Variants in EPB41L3 observed in about 807,000 individuals in gnomAD.
The protein encoded by EPB41L3 is band 4.1-like protein 3.
A neutral mutation model predicts 127.1 loss-of-function variants in EPB41L3; 57 were observed. The observed-to-expected ratio is 0.45, with a 90% CI of 0.36 to 0.56. EPB41L3 has a LOEUF of 0.56. Among genes scored for constraint, EPB41L3 ranks in the 20% least tolerant of loss-of-function variants. The pLI, the probability that EPB41L3 is intolerant of heterozygous loss-of-function variation, is 0.00. For synonymous variants in EPB41L3, 572 were observed against 549.5 expected (o/e 1.04, Z -0.57); for missense variants, 1,273 against 1,372.2 (o/e 0.93, Z 1.14).
At chr18:5,489,362 C>A in intron 1 of EPB41L3, 168 bp from the exon 2 acceptor site, 1 of 690,642 alleles carries the variant, frequency 1.4e-6, no homozygotes, top group East Asian at 3.3e-5. Context: ...AACTTCACCA[C>A]TGAGATGGGT....
intron 9 of EPB41L3, among the ~76,000 whole-genome samples, chr18:5,426,411 C>T (rs533988565): frequency 2.5e-4 from 38 of 152,280 alleles, no homozygotes; most frequent in Middle Eastern, 3.4e-3. Context: ...CCTGTCTCTA[C>T]GACCTGCTGC....
At chr18:5,510,739 C>T (rs1598466916) in intron 1 of EPB41L3, among the ~76,000 whole-genome samples, 1 of 152,286 alleles carries the variant, frequency 6.6e-6, no homozygotes, top group Middle Eastern at 3.4e-3. Context: ...GCTTTCTATC[C>T]TAATGCCTAG....
At chr18:5,429,686 C>T (rs891757378) in intron 8 of EPB41L3, among the ~76,000 whole-genome samples, 7 of 152,120 alleles carry the variant, frequency 4.6e-5, no homozygotes, top group Non-Finnish European at 7.3e-5. Flanking sequence ...ACTTTGGAAA[C>T]GTATCACTCC....
chr18:5,400,589 C>T, intron 16 of EPB41L3: 1 of 460,032 alleles, frequency 2.2e-6, no homozygotes, highest in South Asian at 1.6e-5. Flanking sequence ...TTCTTTATCA[C>T]ACTTGGCTAG....
At chr18:5,597,741 G>A (rs1169330388) in intron 3 of EPB41L3, among the ~76,000 whole-genome samples, 2 of 152,126 alleles carry the variant, frequency 1.3e-5, no homozygotes, top group African/African-American at 4.8e-5. Context: ...ACCTAGGAAA[G>A]ATGGATACTG....
At chr18:5,407,001 A>G in intron 15 of EPB41L3, 33 bp from the exon 16 acceptor site, 1 of 1,578,246 alleles carries the variant, frequency 6.3e-7, no homozygotes, top group Admixed American at 1.7e-5. Context: ...CCAACAGTCA[A>G]TGTTTTACAT....
At chr18:5,542,928 A>T (rs1411786365) in intron 1 of EPB41L3, among the ~76,000 whole-genome samples, 1 of 152,216 alleles carries the variant, frequency 6.6e-6, no homozygotes, top group Non-Finnish European at 1.5e-5. Context: ...GGCAGCAGCC[A>T]GGAAACACTC....
Position 5,428,389 on chromosome 18 carries a change from T to C in EPB41L3, c.989A>G (p.Asn330Ser). The change falls in exon 9 of 23, where the codon AAC becomes AGC. Residue 330 changes from asparagine to serine, a missense_variant. Transcript: ENST00000341928. Reference protein sequence around the residue: ...LLIYRDRLRINRFAWPKVLKI... With the variant: ...LLIYRDRLRISRFAWPKVLKI... ...TAGAACCTTGGGCCAGGCAAATCTGTTTATTCGCAGCCGGTCGCGATATAT... is the reference window on the plus strand; with the variant it reads ...TAGAACCTTGGGCCAGGCAAATCTGCTTATTCGCAGCCGGTCGCGATATAT... The C allele has an allele frequency of 6.2e-7, 1 of 1,614,226 alleles. No individual in the cohort carries two copies. Among genetic ancestry groups the C allele is most frequent in the Non-Finnish European group, 8.5e-7 (1 of 1,180,030 alleles).
chr18:5,610,108 G>A, intron 3 of EPB41L3: 4 of 985,356 alleles, frequency 4.1e-6, no homozygotes, highest in Non-Finnish European at 4.8e-6. Context: ...CAAACAAAGA[G>A]AAGTCAACAG....
At chr18:5,495,144 T>C (rs2091028765) in intron 1 of EPB41L3, among the ~76,000 whole-genome samples, 1 of 152,216 alleles carries the variant, frequency 6.6e-6, no homozygotes, top group African/African-American at 2.4e-5. Flanking sequence ...ACAATTCTGA[T>C]GGTTTGTAAA....
intron 3 of EPB41L3, among the ~76,000 whole-genome samples, chr18:5,607,431 G>A (rs528639050): frequency 2.6e-5 from 4 of 152,248 alleles, no homozygotes; most frequent in South Asian, 2.1e-4. Context: ...CAAGCAAGAC[G>A]AGCTGACCAA....
At chr18:5,393,751 A>G (rs982275235) in intron 22 of EPB41L3, 1 of 338,780 alleles carries the variant, frequency 3.0e-6, no homozygotes, top group African/African-American at 2.1e-5. Context: ...TATTTTTTAT[A>G]TTTCTCTTTT....
chr18:5,395,427 G>T (rs765902022), intron 20 of EPB41L3, among the ~76,000 whole-genome samples, 182 bp downstream of exon 20: 1 of 152,184 alleles, frequency 6.6e-6, no homozygotes, highest in Non-Finnish European at 1.5e-5. Context: ...AGGGGAACTC[G>T]CACGTGAGGA....
intron 16 of EPB41L3, among the ~76,000 whole-genome samples, chr18:5,405,878 T>TAA (rs766187302): frequency 6.8e-6 from 1 of 147,924 alleles, no homozygotes; most frequent in Admixed American, 6.7e-5. Context: ...TAACCTTACT[T>TAA]AAAAAAAAAA....
At chr18:5,531,865 G>C (rs1195558619) in intron 1 of EPB41L3, among the ~76,000 whole-genome samples, 1 of 152,124 alleles carries the variant, frequency 6.6e-6, no homozygotes, top group Non-Finnish European at 1.5e-5. Context: ...GAGTCCACAT[G>C]TCAGTGGAGC....
intron 1 of EPB41L3, chr18:5,540,293 C>T: frequency 1.1e-6 from 1 of 948,238 alleles, no homozygotes; most frequent in Non-Finnish European, 1.3e-6. Flanking sequence ...CACATTTTCC[C>T]ATGCAGTCTT....
intron 1 of EPB41L3, among the ~76,000 whole-genome samples, chr18:5,500,547 T>C (rs933655735): frequency 6.6e-6 from 1 of 152,198 alleles, no homozygotes; most frequent in African/African-American, 2.4e-5. Flanking sequence ...GGGGGCAATA[T>C]ACTGTCTGCT....
chr18:5,572,811 C>T (rs902338655), intron 3 of EPB41L3, among the ~76,000 whole-genome samples: 1 of 152,144 alleles, frequency 6.6e-6, no homozygotes, highest in Admixed American at 6.5e-5. Context: ...TGGCCTCAAG[C>T]AATCCTCCCA....
rs965774628 is a variant in EPB41L3, at chr18:5,523,370, A to T, written c.-12+20543T>A. On this transcript the variant is annotated intron_variant, in intron 1 of 22. Transcript: ENST00000341928. ...TTAAATTGGGCTTCTGTCAATTGAA[A>T]CAATAAACCAACACTCCAAATTAGA... 2.0e-5 allele frequency among the ~76,000 whole-genome samples: 3 copies of T among 152,342 alleles called. No homozygotes were observed. In the East Asian group the frequency reaches 5.8e-4, roughly 29 times the overall value.
Sources: gnomAD v4.1 joint callset for allele counts (sites outside exome capture counted in the v4.1 genomes callset) on GRCh38, gnomAD v4.1.1 for gene constraint, MANE v1.5 for transcripts, NCBI Gene and HGNC (gene_info 2026-07-23, HGNC 2026-07-21) for gene names.